The following CCNYL1 variants were observed in gnomAD, a reference collection of about 807,000 sequenced individuals.
The protein encoded by CCNYL1 is cyclin Y like 1.
A neutral mutation model predicts 44.2 loss-of-function variants in CCNYL1; 16 were observed. That is an observed-to-expected ratio of 0.36 (90% CI 0.25 to 0.55). The LOEUF (loss-of-function observed/expected upper bound fraction) is 0.55, where lower values mean the gene tolerates loss of function less well. Ranked by LOEUF, CCNYL1 falls within the 20% of genes least tolerant of loss-of-function variation. CCNYL1 has a pLI of 0.85. For missense variants in CCNYL1, 348 were observed against 451.8 expected (o/e 0.77, Z 2.08); for synonymous variants, 159 against 163.2 (o/e 0.97, Z 0.20).
chr2:207,746,499 C>T (rs190133992), intron 7 of CCNYL1, among the ~76,000 whole-genome samples: 2 of 152,222 alleles, frequency 1.3e-5, no homozygotes, highest in Non-Finnish European at 2.9e-5. Flanking sequence ...GCTGAGATGT[C>T]CAGTCATTCC....
At chr2:207,725,872 A>G (rs1341215072) in intron 2 of CCNYL1, among the ~76,000 whole-genome samples, 1 of 152,228 alleles carries the variant, frequency 6.6e-6, no homozygotes, top group East Asian at 1.9e-4. Context: ...ATATACAACC[A>G]GGTTTTTCAT....
chr2:207,746,659 G>T (rs530581640), intron 7 of CCNYL1, among the ~76,000 whole-genome samples: 1 of 152,218 alleles, frequency 6.6e-6, no homozygotes, highest in South Asian at 2.1e-4. Flanking sequence ...AAAAACAAAA[G>T]AAATTTGTCA....
rs559182019 is a variant in CCNYL1, at chr2:207,735,358, G to A, written c.431+1311G>A. ...GGTGAGCCATATCAGAATCACTTAC[G>A]CAACTTTTTTCAAAATATATGTCCA... On this transcript the variant is annotated intron_variant, in intron 4 of 9. Coordinates refer to ENST00000295414, the MANE Select transcript of CCNYL1 (RefSeq NM_001330218.2). Among the ~76,000 whole-genome samples the A allele has an allele frequency of 8.5e-5, 13 of 152,208 alleles. No individual in the cohort carries two copies. The East Asian group carries it at 1.9e-3, about 23-fold the overall frequency.
chr2:207,731,866 G>A, intron 3 of CCNYL1, among the ~76,000 whole-genome samples: 1 of 144,470 alleles, frequency 6.9e-6, no homozygotes, highest in East Asian at 2.0e-4. Flanking sequence ...CTGGAGTGCA[G>A]TGGTGCAATC....
chr2:207,711,747 G>C lies in CCNYL1; in HGVS notation c.-150G>C. 2.5e-6 allele frequency: 1 copy of C among 394,982 alleles called. No individual in the cohort carries two copies. The highest frequency in any genetic ancestry group is 4.2e-6 in the Non-Finnish European group (1 of 240,034). The allele number at this position is 394,982 out of a possible 1,614,324, so 24.5% of individuals were successfully genotyped here. Reference sequence around the variant, plus strand: ...CGCGGGGCGGGCGGGCGAACCGCGGGCGAGGCGGCGTCTGCTTGCGCGGTG... The same window carrying C: ...CGCGGGGCGGGCGGGCGAACCGCGGCCGAGGCGGCGTCTGCTTGCGCGGTG... On this transcript the variant is annotated 5_prime_UTR_variant, in exon 1 of 10. Transcript: ENST00000295414.
intron 1 of CCNYL1, among the ~76,000 whole-genome samples, chr2:207,716,306 T>G (rs2091594987): frequency 6.6e-6 from 1 of 151,890 alleles, no homozygotes; most frequent in African/African-American, 2.4e-5. Flanking sequence ...GCAACAGATC[T>G]TTCCTCTTTC....
intron 7 of CCNYL1, among the ~76,000 whole-genome samples, chr2:207,744,524 C>T (rs111639523): frequency 9.5e-5 from 14 of 148,092 alleles, no homozygotes; most frequent in Admixed American, 3.3e-4. Flanking sequence ...CCCGTCACCA[C>T]GCCTAATTTT....
chr2:207,720,249 A>G (rs2091630525), intron 1 of CCNYL1, among the ~76,000 whole-genome samples: 1 of 151,196 alleles, frequency 6.6e-6, no homozygotes, highest in Non-Finnish European at 1.5e-5. Context: ...GATATATGGC[A>G]TATAGGATTA....
In CCNYL1 at chr2:207,728,979, A is replaced by G. The variant is rs560808380; in HGVS notation, c.330+2103A>G. On this transcript the variant is annotated intron_variant, in intron 3 of 9. Coordinates refer to ENST00000295414, the MANE Select transcript of CCNYL1 (RefSeq NM_001330218.2). ...GCCTGACTAATTTTTTTGTATTTTT[A>G]GTAAAGAAGGGATTTTACCATGTTG... 1.4e-4 allele frequency among the ~76,000 whole-genome samples: 21 copies of G among 152,092 alleles called. No homozygotes were observed. In the South Asian group the frequency reaches 4.4e-3, roughly 32 times the overall value.
intron 7 of CCNYL1, among the ~76,000 whole-genome samples, chr2:207,746,401 A>C (rs1217347738): frequency 6.6e-6 from 1 of 152,342 alleles, no homozygotes; most frequent in East Asian, 1.9e-4. Flanking sequence ...AGTATGATAC[A>C]TTGTACCTGG....
At chr2:207,735,192 C>G (rs372914868) in intron 4 of CCNYL1, among the ~76,000 whole-genome samples, 1 of 152,050 alleles carries the variant, frequency 6.6e-6, no homozygotes, top group East Asian at 1.9e-4. Flanking sequence ...TTAATTTGTT[C>G]TCAGTAAGTT....
Position 207,740,643 on chromosome 2 carries a change from C to T in CCNYL1, c.468-12C>T. The T allele has an allele frequency of 6.4e-7, 1 of 1,558,748 alleles. No individual in the cohort carries two copies. ...TGAATTAACTTCTTCAATGCATATT[C>T]TTATTTTATAGAGATGCAAATAGAT... On this transcript the variant is annotated splice_polypyrimidine_tract_variant and intron_variant, in intron 5 of 9. Coordinates refer to ENST00000295414, the MANE Select transcript of CCNYL1 (RefSeq NM_001330218.2).
intron 1 of CCNYL1, among the ~76,000 whole-genome samples, chr2:207,718,499 G>A (rs1575208594): frequency 6.7e-6 from 1 of 150,102 alleles, no homozygotes; most frequent in East Asian, 1.9e-4. Flanking sequence ...CAGTGAGACT[G>A]TCTCAAAAAA....
At chr2:207,720,525 C>A (rs1164898810) in intron 1 of CCNYL1, among the ~76,000 whole-genome samples, 4 of 152,006 alleles carry the variant, frequency 2.6e-5, no homozygotes, top group Non-Finnish European at 5.9e-5. Context: ...CCTGCCACTT[C>A]AGCCTCCCAA....
chr2:207,712,500 C>T (rs1326890580), intron 1 of CCNYL1, among the ~76,000 whole-genome samples: 1 of 152,148 alleles, frequency 6.6e-6, no homozygotes, highest in African/African-American at 2.4e-5. Flanking sequence ...GTACTCATCC[C>T]ATTCCCTCCC....
In CCNYL1 at chr2:207,755,110, G is replaced by A. The variant is rs1433193308; in HGVS notation, c.*1412G>A. 2 of 152,186 alleles carry A rather than the reference G, an allele frequency of 1.3e-5. No homozygotes were observed. Among genetic ancestry groups the A allele is most frequent in the Non-Finnish European group, 2.9e-5 (2 of 68,072 alleles). 9.4% of individuals were successfully genotyped at this position (152,186 alleles called of 1,614,324 possible). On this transcript the variant is annotated 3_prime_UTR_variant, in exon 10 of 10. Coordinates refer to ENST00000295414, the MANE Select transcript of CCNYL1 (RefSeq NM_001330218.2). The stretch of plus-strand genomic sequence containing the variant: ...GCAAAAGAAATGGGCTGGGCATAGT[G>A]ATTCATGCCTGTAATCTCAGTACCC...
chr2:207,740,328 A>G (rs921960320), intron 5 of CCNYL1, among the ~76,000 whole-genome samples: 2 of 152,218 alleles, frequency 1.3e-5, no homozygotes, highest in Non-Finnish European at 2.9e-5. Flanking sequence ...TGCTGTGTAA[A>G]ACGTTCTTGA....
chr2:207,717,535 G>A (rs2091606419), intron 1 of CCNYL1, among the ~76,000 whole-genome samples: 1 of 152,162 alleles, frequency 6.6e-6, no homozygotes, highest in East Asian at 1.9e-4. Flanking sequence ...GTGGTGAGGT[G>A]CTAGGGAGAA....
intron 5 of CCNYL1, among the ~76,000 whole-genome samples, chr2:207,738,428 C>T (rs2105833371): frequency 6.6e-6 from 1 of 152,244 alleles, no homozygotes; most frequent in South Asian, 2.1e-4. Context: ...GCCATGTTGA[C>T]CAGGCTGGTC....
Sources: gnomAD v4.1 joint callset for allele counts (sites outside exome capture counted in the v4.1 genomes callset) on GRCh38, gnomAD v4.1.1 for gene constraint, MANE v1.5 for transcripts, NCBI Gene and HGNC (gene_info 2026-07-23, HGNC 2026-07-21) for gene names.